Variants in CPA6 observed in about 807,000 individuals in gnomAD.
CPA6 encodes the protein carboxypeptidase B.
Under a neutral mutation model 63.3 loss-of-function variants are expected in CPA6, and 58 were observed. That is an observed-to-expected ratio of 0.92 (90% confidence interval 0.74 to 1.14). CPA6 has a LOEUF of 1.14. Among genes scored for constraint, CPA6 ranks in the 50% most tolerant of loss-of-function variants. The probability of loss-of-function intolerance (pLI) is 0.00; values close to 1 mark genes in which losing one functional copy is unlikely to be tolerated. For synonymous variants in CPA6, 185 were observed against 179.0 expected, an observed-to-expected ratio of 1.03 and a Z score of -0.27; for missense variants, 565 against 526.6, an observed-to-expected ratio of 1.07 and a Z score of -0.71.
intron 1 of CPA6, among the ~76,000 whole-genome samples, chr8:67,634,259 G>A (rs1437668620): frequency 2.1e-5 from 3 of 146,194 alleles, no homozygotes; most frequent in African/African-American, 5.2e-5. Context: ...TCGCTCTGTC[G>A]CCCAGGCTGG....
chr8:67,731,146 T>G (rs996657028), intron 1 of CPA6, among the ~76,000 whole-genome samples: 1 of 152,214 alleles, frequency 6.6e-6, no homozygotes, highest in Non-Finnish European at 1.5e-5. Context: ...TAAGATTCCT[T>G]TCCTAGAAAG....
intron 8 of CPA6, among the ~76,000 whole-genome samples, chr8:67,451,815 A>G (rs1437873623): frequency 1.3e-5 from 2 of 152,342 alleles, no homozygotes; most frequent in Non-Finnish European, 2.9e-5. Flanking sequence ...CCATGAGAAT[A>G]TTATCATCAC....
chr8:67,500,431 G>C lies in CPA6; in HGVS notation c.636+6356C>G, dbSNP rs578014006. 1.6e-4 allele frequency among the ~76,000 whole-genome samples: 24 copies of C among 152,114 alleles called. No homozygotes were observed. In the South Asian group the frequency reaches 3.3e-3, roughly 21 times the overall value. On this transcript the variant is annotated intron_variant, in intron 6 of 10. Coordinates refer to ENST00000297770, the MANE Select transcript of CPA6 (RefSeq NM_020361.5). ...TTTTGAGTTTATATATTCCAAATGA[G>C]TCTTTTATTAGATCTGTGATTTGCA...
intron 1 of CPA6, among the ~76,000 whole-genome samples, chr8:67,725,823 C>T (rs372707651): frequency 2.6e-5 from 4 of 152,174 alleles, no homozygotes; most frequent in East Asian, 1.9e-4. Flanking sequence ...GGATAACATG[C>T]GTAAGCCACC....
At chr8:67,507,206 T>C (rs1563980032) in intron 5 of CPA6, among the ~76,000 whole-genome samples, 2 of 152,248 alleles carry the variant, frequency 1.3e-5, no homozygotes, top group East Asian at 1.9e-4. Context: ...GTTCTTGCTA[T>C]GTTGCCAAGG....
intron 2 of CPA6, among the ~76,000 whole-genome samples, chr8:67,578,362 C>T (rs1314058040): frequency 1.3e-5 from 2 of 152,232 alleles, no homozygotes; most frequent in Non-Finnish European, 2.9e-5. Context: ...GATCTCCTCC[C>T]TCAAAGTGCT....
chr8:67,542,893 A>G (rs1812736741), intron 2 of CPA6, among the ~76,000 whole-genome samples: 1 of 152,214 alleles, frequency 6.6e-6, no homozygotes, highest in Non-Finnish European at 1.5e-5. Context: ...GTTTCTACAA[A>G]GCTCAGTGAC....
At chr8:67,474,571 G>A (rs1811132704) in intron 8 of CPA6, among the ~76,000 whole-genome samples, 1 of 152,160 alleles carries the variant, frequency 6.6e-6, no homozygotes, top group Admixed American at 6.6e-5. Flanking sequence ...CTTAGAAAGA[G>A]TTTGGAATGG....
intron 2 of CPA6, among the ~76,000 whole-genome samples, chr8:67,558,730 G>A (rs571939511): frequency 5.9e-5 from 9 of 152,172 alleles, no homozygotes; most frequent in African/African-American, 2.2e-4. Flanking sequence ...CTGAAGAAAG[G>A]CTGCTGCAAA....
At chr8:67,559,969 C>T (rs994586293) in intron 2 of CPA6, among the ~76,000 whole-genome samples, 1 of 151,720 alleles carries the variant, frequency 6.6e-6, no homozygotes, top group African/African-American at 2.4e-5. Context: ...TGGGAAGATG[C>T]CATCTCTCAA....
At chr8:67,475,812 TCTTTC>T (rs1452054907) in intron 8 of CPA6, among the ~76,000 whole-genome samples, 63 of 72,454 alleles carry the variant, frequency 8.7e-4, no homozygotes, top group African/African-American at 3.0e-3. Context: ...TTTCTTTCTT[TCTTTC>T]CTTTCTTTTC....
At chr8:67,550,770 T>C (rs143230056) in intron 2 of CPA6, among the ~76,000 whole-genome samples, 3 of 152,318 alleles carry the variant, frequency 2.0e-5, no homozygotes, top group African/African-American at 7.2e-5. Flanking sequence ...GGTTTTGATT[T>C]GCATTTCTCT....
rs143453954 is a variant in CPA6, at chr8:67,608,468, G to A, written c.192+15708C>T. 3.9e-5 allele frequency among the ~76,000 whole-genome samples: 6 copies of A among 152,246 alleles called. No homozygotes were observed. In the South Asian group the frequency reaches 6.2e-4, roughly 16 times the overall value. ...CAGGGGAAGATCATCTTCCCGCTCC[G>A]TTCACTTTCCAGCTCCCCATCCATC... On this transcript the variant is annotated intron_variant, in intron 2 of 10. Transcript: ENST00000297770.
intron 7 of CPA6, 92 bp downstream of exon 7, chr8:67,484,587 T>C: frequency 1.6e-6 from 1 of 612,854 alleles, no homozygotes; most frequent in Middle Eastern, 2.7e-4. Context: ...GCTGATTGCC[T>C]GTCCAGCTTC....
chr8:67,538,882 A>G (rs940505194), intron 2 of CPA6, among the ~76,000 whole-genome samples: 1 of 151,974 alleles, frequency 6.6e-6, no homozygotes, highest in African/African-American at 2.4e-5. Context: ...GATGGTCTTG[A>G]TCTCCTGACC....
At chr8:67,543,083 G>C (rs542889820) in intron 2 of CPA6, among the ~76,000 whole-genome samples, 94 of 152,282 alleles carry the variant, frequency 6.2e-4, no homozygotes, top group African/African-American at 2.1e-3. Context: ...TTAGTATTCT[G>C]TCACAGGTTT....
intron 2 of CPA6, among the ~76,000 whole-genome samples, chr8:67,589,602 T>C (rs1041849026): frequency 2.6e-5 from 4 of 152,176 alleles, no homozygotes; most frequent in Admixed American, 2.6e-4. Flanking sequence ...CATTTTTATG[T>C]GGTGTATGGT....
At chr8:67,617,147 T>A (rs767291090) in intron 2 of CPA6, among the ~76,000 whole-genome samples, 2 of 152,240 alleles carry the variant, frequency 1.3e-5, no homozygotes, top group Non-Finnish European at 2.9e-5. Flanking sequence ...TCAATTCAGT[T>A]GAGTAAATTA....
chr8:67,673,487 C>T (rs375159342), intron 1 of CPA6, among the ~76,000 whole-genome samples: 6 of 150,550 alleles, frequency 4.0e-5, no homozygotes, highest in East Asian at 1.9e-4. Context: ...GGGTTCATGC[C>T]GTTCTCCTGC....
Sources: allele counts gnomAD v4.1 joint callset (sites outside exome capture counted in the v4.1 genomes callset), GRCh38; gene constraint gnomAD v4.1.1; transcripts MANE v1.5; gene names NCBI Gene and HGNC (gene_info 2026-07-23, HGNC 2026-07-21).